Variants in SLC44A5 observed in about 807,000 individuals in gnomAD.
The protein encoded by SLC44A5 is solute carrier family 44 member 5, also known as choline transporter-like protein 5.
SLC44A5 carries 57 observed loss-of-function variants against 101.8 expected under a neutral mutation model. The ratio of observed to expected loss-of-function variants is 0.56; its 90% CI spans 0.45 to 0.70. The LOEUF (loss-of-function observed/expected upper bound fraction) is 0.70, where lower values mean the gene tolerates loss of function less well. SLC44A5 is among the 30% of genes least tolerant of loss of function. The pLI, the probability that SLC44A5 is intolerant of heterozygous loss-of-function variation, is 0.00. For synonymous variants in SLC44A5, 281 were observed against 290.9 expected (o/e 0.97, Z 0.35); for missense variants, 737 against 853.1 (o/e 0.86, Z 1.70).
intron 1 of SLC44A5, among the ~76,000 whole-genome samples, chr1:75,591,595 T>C (rs1674356816): frequency 6.6e-6 from 1 of 152,142 alleles, no homozygotes; most frequent in Non-Finnish European, 1.5e-5. Context: ...TACAGGCCAA[T>C]ATCTCTGGTG....
the SLC44A5 span, among the ~76,000 whole-genome samples, chr1:75,711,046 T>C: frequency 3.3e-5 from 5 of 152,222 alleles, no homozygotes; most frequent in African/African-American, 9.6e-5. Context: ...TGGTGAACTT[T>C]CAGTTGCCCA....
At chr1:75,704,117 A>G in the SLC44A5 span, among the ~76,000 whole-genome samples, 1 of 152,192 alleles carries the variant, frequency 6.6e-6, no homozygotes, top group African/African-American at 2.4e-5. Context: ...TATACTGAAC[A>G]AAAGTATAAA....
At chr1:75,460,583 T>C (rs1179990062) in intron 2 of SLC44A5, among the ~76,000 whole-genome samples, 8 of 152,210 alleles carry the variant, frequency 5.3e-5, no homozygotes, top group Non-Finnish European at 1.2e-4. Context: ...TGGTCATTTA[T>C]ATGGGTCTTT....
chr1:75,456,224 G>C (rs1484156176), intron 2 of SLC44A5, among the ~76,000 whole-genome samples: 1 of 152,082 alleles, frequency 6.6e-6, no homozygotes. Context: ...AGCAGCTGGA[G>C]GCCATTATCC....
intron 4 of SLC44A5, among the ~76,000 whole-genome samples, chr1:75,338,705 G>GC (rs1553163497): frequency 1.3e-5 from 2 of 152,070 alleles, no homozygotes; most frequent in African/African-American, 2.4e-5. Context: ...CAAATGACTT[G>GC]TTTTTTTACA....
chr1:75,476,960 C>T (rs1667451447), intron 2 of SLC44A5, among the ~76,000 whole-genome samples: 1 of 152,186 alleles, frequency 6.6e-6, no homozygotes, highest in African/African-American at 2.4e-5. Flanking sequence ...TCAAGTGGGT[C>T]CCTGACCCCT....
chr1:75,470,905 A>G (rs1225104984), intron 2 of SLC44A5, among the ~76,000 whole-genome samples: 3 of 152,162 alleles, frequency 2.0e-5, no homozygotes, highest in African/African-American at 7.2e-5. Flanking sequence ...CATCTGAGTA[A>G]CTGTTTCTGC....
At chr1:75,374,930 A>G (rs1055809571) in intron 3 of SLC44A5, among the ~76,000 whole-genome samples, 1 of 152,172 alleles carries the variant, frequency 6.6e-6, no homozygotes, top group Non-Finnish European at 1.5e-5. Flanking sequence ...CAGTGCAAGA[A>G]CTCTAGCAAT....
intron 6 of SLC44A5, among the ~76,000 whole-genome samples, chr1:75,261,713 C>A (rs1650523737): frequency 6.6e-6 from 1 of 152,050 alleles, no homozygotes; most frequent in South Asian, 2.1e-4. Context: ...AGAGACACAA[C>A]AACAGAAATT....
chr1:75,663,820 C>T, the SLC44A5 span, among the ~76,000 whole-genome samples: 2 of 152,112 alleles, frequency 1.3e-5, no homozygotes, highest in Non-Finnish European at 2.9e-5. Context: ...AAGCCAGTAC[C>T]ACCTTGATAC....
At chr1:75,431,417 T>C (rs900159543) in intron 2 of SLC44A5, among the ~76,000 whole-genome samples, 6 of 152,182 alleles carry the variant, frequency 3.9e-5, no homozygotes, top group Non-Finnish European at 1.5e-5. Context: ...GTGGGATTGA[T>C]TGGGTTACAC....
chr1:75,562,591 G>A (rs184393454), intron 1 of SLC44A5, among the ~76,000 whole-genome samples: 2 of 151,916 alleles, frequency 1.3e-5, no homozygotes, highest in Non-Finnish European at 2.9e-5. Context: ...CTAGCTACTC[G>A]GGGGGAGGAT....
the SLC44A5 span, among the ~76,000 whole-genome samples, chr1:75,715,204 G>T: frequency 4.6e-5 from 7 of 152,248 alleles, no homozygotes; most frequent in South Asian, 1.2e-3. Context: ...AATATTGTTA[G>T]AATGACTATA....
chr1:75,255,248 A>T (rs1231962728), intron 6 of SLC44A5, among the ~76,000 whole-genome samples: 1 of 152,184 alleles, frequency 6.6e-6, no homozygotes, highest in African/African-American at 2.4e-5. Context: ...GAATCAAAAC[A>T]TAAAAGAGAA....
chr1:75,597,118 G>A (rs1674681708), intron 1 of SLC44A5, among the ~76,000 whole-genome samples: 1 of 151,330 alleles, frequency 6.6e-6, no homozygotes, highest in East Asian at 1.9e-4. Flanking sequence ...AGCCTGGGAG[G>A]TGGAGGTTGC....
intron 3 of SLC44A5, among the ~76,000 whole-genome samples, chr1:75,385,625 A>T (rs1194144508): frequency 1.3e-5 from 2 of 152,216 alleles, no homozygotes; most frequent in Non-Finnish European, 2.9e-5. Context: ...ATTCTACCAG[A>T]GGTATAAGGA....
intron 13 of SLC44A5, among the ~76,000 whole-genome samples, chr1:75,226,154 T>C (rs1647189925): frequency 6.6e-6 from 1 of 151,976 alleles, no homozygotes; most frequent in South Asian, 2.1e-4. Context: ...TTCCATAACA[T>C]ATTTGGAAAA....
intron 4 of SLC44A5, among the ~76,000 whole-genome samples, chr1:75,336,674 C>T (rs1156295193): frequency 6.6e-6 from 1 of 152,036 alleles, no homozygotes; most frequent in Non-Finnish European, 1.5e-5. Context: ...AATGGTCATA[C>T]AACATTTTAA....
chr1:75,247,809 G>A (rs1264513931), intron 7 of SLC44A5, among the ~76,000 whole-genome samples: 1 of 148,814 alleles, frequency 6.7e-6, no homozygotes, highest in African/African-American at 2.4e-5. Context: ...ATAATGTTGA[G>A]GTCGATGGTA....
Sources: gnomAD v4.1 joint callset for allele counts (sites outside exome capture counted in the v4.1 genomes callset) on GRCh38, gnomAD v4.1.1 for gene constraint, MANE v1.5 for transcripts, NCBI Gene and HGNC (gene_info 2026-07-23, HGNC 2026-07-21) for gene names.